The following JPH3 variants were observed in gnomAD, a reference collection of about 807,000 sequenced individuals.
JPH3 encodes junctophilin 3.
A neutral mutation model predicts 59.6 loss-of-function variants in JPH3; 11 were observed. The observed-to-expected ratio is 0.18, with a 90% CI of 0.12 to 0.31. The LOEUF is 0.31. Among genes scored for constraint, JPH3 ranks in the 10% least tolerant of loss-of-function variants. The pLI is 1.00. For missense variants in JPH3, 1,202 were observed against 1,105.7 expected, an observed-to-expected ratio of 1.09 and a Z score of -1.24; for synonymous variants, 673 against 483.6, an observed-to-expected ratio of 1.39 and a Z score of -5.14.
chr16:87,638,742 C>T (rs1597252807), intron 1 of JPH3, among the ~76,000 whole-genome samples: 1 of 152,146 alleles, frequency 6.6e-6, no homozygotes, highest in East Asian at 1.9e-4. Context: ...CTCTGCTTCC[C>T]CTCCTGTAGA....
chr16:87,636,515 C>T (rs1004282470), intron 1 of JPH3, among the ~76,000 whole-genome samples: 3 of 152,174 alleles, frequency 2.0e-5, no homozygotes, highest in Non-Finnish European at 4.4e-5. Context: ...AGGCCCAGCC[C>T]GCAGAGCTCC....
chr16:87,633,571 G>C (rs1270243547), intron 1 of JPH3, among the ~76,000 whole-genome samples: 1 of 152,052 alleles, frequency 6.6e-6, no homozygotes, highest in Non-Finnish European at 1.5e-5. Context: ...GGAGGCCGAG[G>C]CAGGCGGAGT....
Position 87,693,224 on chromosome 16 carries a change from G to A in JPH3, c.2166+2698G>A, listed in dbSNP as rs560048315. On this transcript the variant is annotated intron_variant, in intron 4 of 4. Coordinates refer to ENST00000284262, the MANE Select transcript of JPH3 (RefSeq NM_020655.4). ...GGTCCCTGATAGGCTGGGAGGTTGC[G>A]GAGGGTGTGGGCCTGGTGCTGCTGT... Among the ~76,000 whole-genome samples the A allele has an allele frequency of 6.7e-4, 102 of 152,320 alleles. 1 individual carries two copies. Among genetic ancestry groups the A allele is most frequent in the Admixed American group, 6.2e-3 (95 of 15,310 alleles).
At chr16:87,604,189 G>T in intron 1 of JPH3, 1 of 1,405,910 alleles carries the variant, frequency 7.1e-7, no homozygotes, top group Non-Finnish European at 9.4e-7. Flanking sequence ...TTCAGTGGCT[G>T]CATCGTTTTC....
chr16:87,657,531 T>C (rs1307954668), intron 2 of JPH3, among the ~76,000 whole-genome samples: 1 of 152,168 alleles, frequency 6.6e-6, no homozygotes, highest in African/African-American at 2.4e-5. Flanking sequence ...ACTTTAAAAC[T>C]GTTAAAGTGG....
At position 87,659,374 on chromosome 16, in the gene JPH3, C is replaced by CAAAAAAAAAAA. The variant is rs1354448370; in HGVS notation, c.1160+14341_1160+14351dup. Among the ~76,000 whole-genome samples, 60 of 74,514 alleles carry CAAAAAAAAAAA rather than the reference C, an allele frequency of 8.1e-4. 3 individuals are homozygous for CAAAAAAAAAAA. The highest frequency in any genetic ancestry group is 2.3e-3 in the African/African-American group (37 of 16,138). The allele number at this position is 74,514 out of a possible 152,430, so 48.9% of individuals were successfully genotyped here. A position where few individuals can be genotyped will look rare whatever the true frequency, so the allele number is the denominator to read the frequency against. ...CCTGGGTGACAGAGTAAGACTGTCT[C>CAAAAAAAAAAA]AAAAAAAAAAAAGAAAAAAAAAAAG... On this transcript the variant is annotated intron_variant, in intron 2 of 4. Transcript: ENST00000284262.
rs1303397004 is a variant in JPH3 at position 87,696,771 on chromosome 16, C to T, written c.*111C>T. 12 of 820,548 alleles carry T rather than the reference C, an allele frequency of 1.5e-5. No homozygotes were observed. The highest frequency in any genetic ancestry group is 2.4e-5 in the Non-Finnish European group (12 of 491,684). 50.8% of individuals were successfully genotyped at this position (820,548 alleles called of 1,614,324 possible). A position where few individuals can be genotyped will look rare whatever the true frequency, so the allele number is the denominator to read the frequency against. ...GCAACTCGGACAGCCCAGCGACTTC[C>T]AAGTCCTCTCACAGAAGAACCACAC... On this transcript the variant is annotated 3_prime_UTR_variant, in exon 5 of 5. Transcript: ENST00000284262.
intron 2 of JPH3, chr16:87,654,680 C>T (rs1268617725): frequency 6.6e-6 from 1 of 152,318 alleles, no homozygotes; most frequent in Non-Finnish European, 1.5e-5. Flanking sequence ...TGACCATCAG[C>T]ACCTCAGCCT....
chr16:87,636,526 C>T (rs757828560), intron 1 of JPH3, among the ~76,000 whole-genome samples: 6 of 152,174 alleles, frequency 3.9e-5, no homozygotes, highest in Admixed American at 6.5e-5. Context: ...GCAGAGCTCC[C>T]GTCTGGGGGA....
intron 1 of JPH3, among the ~76,000 whole-genome samples, chr16:87,613,064 C>A (rs1279374381): frequency 6.7e-6 from 1 of 150,310 alleles, no homozygotes; most frequent in African/African-American, 2.4e-5. Context: ...TAGAAATTTT[C>A]CAAGCACAAT....
intron 2 of JPH3, among the ~76,000 whole-genome samples, chr16:87,666,010 C>T (rs1224371102): frequency 6.6e-6 from 1 of 152,194 alleles, no homozygotes; most frequent in Non-Finnish European, 1.5e-5. Context: ...CCGCTCGATC[C>T]ATGGGGCAGA....
chr16:87,641,737 C>T (rs996286687), intron 1 of JPH3, among the ~76,000 whole-genome samples: 1 of 152,274 alleles, frequency 6.6e-6, no homozygotes, highest in Admixed American at 6.5e-5. Flanking sequence ...CTCAGGGGCT[C>T]TGTCCGGGGC....
At chr16:87,671,414 CAT>C (rs746932090) in intron 2 of JPH3, among the ~76,000 whole-genome samples, 4 of 152,214 alleles carry the variant, frequency 2.6e-5, no homozygotes, top group Non-Finnish European at 4.4e-5. Flanking sequence ...GCACCAGGCT[CAT>C]GTGCCAGGTG....
chr16:87,634,357 G>A (rs7205645), intron 1 of JPH3, among the ~76,000 whole-genome samples: 25,950 of 152,132 alleles, frequency 0.17, 2,468 homozygotes, highest in Non-Finnish European at 0.22. Context: ...AGTGGAAGAT[G>A]GGTGCTGGTC....
At chr16:87,664,330 TG>T (rs1567605780) in intron 2 of JPH3, among the ~76,000 whole-genome samples, 2 of 92,178 alleles carry the variant, frequency 2.2e-5, no homozygotes, top group Admixed American at 1.1e-4. Context: ...AGACTCTGTC[TG>T]AAAAAAAAAA....
intron 1 of JPH3, among the ~76,000 whole-genome samples, chr16:87,637,228 T>C (rs546302011): frequency 2.0e-5 from 3 of 152,362 alleles, no homozygotes; most frequent in East Asian, 3.9e-4. Context: ...TTTTACAATA[T>C]GCAATTCAGT....
intron 1 of JPH3, among the ~76,000 whole-genome samples, chr16:87,614,427 T>A (rs2573121): frequency 0.67 from 49,837 of 74,756 alleles, 14,247 homozygotes; most frequent in Non-Finnish European, 0.74. Context: ...AGGTCCCTGT[T>A]CACAGGAGGA....
In JPH3 at chr16:87,644,991, G is replaced by T; in HGVS notation, c.1116G>T (p.Arg372=). 1 of 1,608,300 alleles carries T rather than the reference G, an allele frequency of 6.2e-7. No individual in the cohort carries two copies. The highest frequency in any genetic ancestry group is 8.5e-7 in the Non-Finnish European group (1 of 1,179,646). ...KVDRAVEAAE[R]AATIAKQKAE... The stretch of plus-strand genomic sequence containing the variant: ...ACCGCGCCGTTGAGGCCGCTGAGCG[G>T]GCCGCCACCATCGCCAAGCAGAAGG... The change falls in exon 2 of 5, where the codon CGG becomes CGT. Residue 372 remains arginine, a synonymous_variant. Transcript: ENST00000284262.
chr16:87,660,731 C>A (rs770516760), intron 2 of JPH3, among the ~76,000 whole-genome samples: 17 of 152,198 alleles, frequency 1.1e-4, no homozygotes, highest in Non-Finnish European at 2.4e-4. Context: ...TGTCATATCG[C>A]CTGTCTGAGC....
Sources: allele counts gnomAD v4.1 joint callset (sites outside exome capture counted in the v4.1 genomes callset), GRCh38; gene constraint gnomAD v4.1.1; transcripts MANE v1.5; gene names NCBI Gene and HGNC (gene_info 2026-07-23, HGNC 2026-07-21).